Variants in CCL18 observed in about 807,000 individuals in gnomAD.
CCL18 encodes the protein C-C motif chemokine 18.
Under a neutral mutation model 8.0 loss-of-function variants are expected in CCL18, and 7 were observed. The ratio of observed to expected loss-of-function variants is 0.87; its 90% CI spans 0.50 to 1.64. The LOEUF (loss-of-function observed/expected upper bound fraction) is 1.64. Ranked by LOEUF, CCL18 falls within the 40% of genes most tolerant of loss-of-function variation. The pLI is 0.00. For synonymous variants in CCL18, 35 were observed against 41.3 expected (o/e 0.85, Z 0.59); for missense variants, 95 against 107.8 (o/e 0.88, Z 0.52).
In CCL18 at chr17:36,071,292, C is replaced by T. The variant is rs766555; in HGVS notation, c.*251C>T. ...CATCTCATGACATTGTCTTTATCAT[C>T]CTTTCCCCTTTCCCTTCAACTCTTC... On this transcript the variant is annotated 3_prime_UTR_variant, in exon 3 of 3. Coordinates refer to ENST00000616054, the MANE Select transcript of CCL18 (RefSeq NM_002988.4). 9.5e-3 allele frequency: 4,545 copies of T among 480,590 alleles called. 37 individuals are homozygous for T. The highest frequency in any genetic ancestry group is 0.01 in the Non-Finnish European group (2,740 of 271,780). 29.8% of individuals were successfully genotyped at this position (480,590 alleles called of 1,614,324 possible). A position where few individuals can be genotyped will look rare whatever the true frequency, so the allele number is the denominator to read the frequency against.
At chr17:36,069,366 TG>T (rs1240362311) in intron 1 of CCL18, among the ~76,000 whole-genome samples, 1 of 152,218 alleles carries the variant, frequency 6.6e-6, no homozygotes, top group Non-Finnish European at 1.5e-5. Context: ...GCAAATAGCC[TG>T]AATCTTTGTG....
intron 1 of CCL18, among the ~76,000 whole-genome samples, chr17:36,067,485 G>A (rs865985406): frequency 6.6e-6 from 1 of 152,112 alleles, no homozygotes; most frequent in Admixed American, 6.5e-5. Flanking sequence ...TCAGGAGTTC[G>A]AGACCAGCCT....
Position 36,067,474 on chromosome 17 carries a change from G to A in CCL18, c.68-2973G>A, listed in dbSNP as rs1464788612. 2.0e-5 allele frequency among the ~76,000 whole-genome samples: 3 copies of A among 152,130 alleles called. No homozygotes were observed. In the East Asian group the frequency reaches 5.8e-4, roughly 29 times the overall value. ...GGCCGAGGCAAGCAGATCACCTGAG[G>A]TCAGGAGTTCGAGACCAGCCTGGCC... On this transcript the variant is annotated intron_variant, in intron 1 of 2. Coordinates refer to ENST00000616054, the MANE Select transcript of CCL18 (RefSeq NM_002988.4).
At chr17:36,068,408 G>A (rs888214347) in intron 1 of CCL18, among the ~76,000 whole-genome samples, 1 of 151,496 alleles carries the variant, frequency 6.6e-6, no homozygotes, top group Non-Finnish European at 1.5e-5. Context: ...TTTTGCATCA[G>A]AATGCACATA....
At chr17:36,068,397 G>A (rs2066848593) in intron 1 of CCL18, among the ~76,000 whole-genome samples, 2 of 151,100 alleles carry the variant, frequency 1.3e-5, no homozygotes, top group Admixed American at 6.6e-5. Flanking sequence ...TTTTTTTCAG[G>A]TTTTGCATCA....
At position 36,071,331 on chromosome 17, in the gene CCL18, A is replaced by G. The variant is rs2066865736; in HGVS notation, c.*290A>G. 1 of 388,290 alleles carries G rather than the reference A, an allele frequency of 2.6e-6. No homozygotes were observed. The highest frequency in any genetic ancestry group is 4.6e-6 in the Non-Finnish European group (1 of 216,014). The allele number at this position is 388,290 out of a possible 1,614,324, so 24.1% of individuals were successfully genotyped here. ...CTTCAACTCTTCGTACATTCAATGC[A>G]TGGATCAATCAGTGTGATTAGCTTT... On this transcript the variant is annotated 3_prime_UTR_variant, in exon 3 of 3. Coordinates refer to ENST00000616054, the MANE Select transcript of CCL18 (RefSeq NM_002988.4).
intron 1 of CCL18, chr17:36,070,241 T>G: frequency 5.6e-6 from 3 of 537,384 alleles, no homozygotes; most frequent in African/African-American, 1.9e-5. Context: ...AGCCAGAGAA[T>G]GAGAAACACC....
chr17:36,070,811 C>T lies in CCL18; in HGVS notation c.180-140C>T, dbSNP rs568539486. ...CCCCATCTGAGACATTTGGGGAAGG[C>T]CTGTGAACCCCGAAGTTAAGGGGAA... On this transcript the variant is annotated intron_variant, in intron 2 of 2. Transcript: ENST00000616054. The T allele has an allele frequency of 1.7e-4, 121 of 728,200 alleles. 1 individual carries two copies. Among genetic ancestry groups the T allele is most frequent in the Middle Eastern group, 1.2e-3 (3 of 2,608 alleles). 45.1% of individuals were successfully genotyped at this position (728,200 alleles called of 1,614,324 possible). A position where few individuals can be genotyped will look rare whatever the true frequency, so the allele number is the denominator to read the frequency against.
At chr17:36,069,038 A>G (rs998362457) in intron 1 of CCL18, among the ~76,000 whole-genome samples, 1 of 151,870 alleles carries the variant, frequency 6.6e-6, no homozygotes, top group Non-Finnish European at 1.5e-5. Flanking sequence ...AAAAATTTAT[A>G]GAGACAGGGT....
chr17:36,065,118 A>T (rs1302661061), intron 1 of CCL18, among the ~76,000 whole-genome samples: 1 of 152,188 alleles, frequency 6.6e-6, no homozygotes, highest in Non-Finnish European at 1.5e-5. Flanking sequence ...GATGCACTGC[A>T]AATTTTCGGT....
At position 36,064,346 on chromosome 17, in the gene CCL18, A is replaced by G. The variant is rs2066825945; in HGVS notation, c.4A>G (p.Lys2Glu). The change falls in exon 1 of 3, where the codon AAG (lysine) becomes GAG (glutamate). Residue 2 changes from lysine (K) to glutamate (E), a missense_variant. Transcript: ENST00000616054. ...ACTTCTCTGCCTGCCCAGCATCATG[A>G]AGGGCCTTGCAGCTGCCCTCCTTGT... MKGLAAALLVLV... is the reference protein window; with the variant it reads MEGLAAALLVLV... 1 of 1,613,572 alleles carries G rather than the reference A, an allele frequency of 6.2e-7. No homozygotes were observed. Among genetic ancestry groups the G allele is most frequent in the Admixed American group, 1.7e-5 (1 of 59,990 alleles).
intron 1 of CCL18, among the ~76,000 whole-genome samples, chr17:36,069,542 C>G (rs2066854715): frequency 6.6e-6 from 1 of 152,098 alleles, no homozygotes; most frequent in Admixed American, 6.5e-5. Context: ...ATGAGTTTAC[C>G]TATGTAACAA....
In CCL18 at chr17:36,070,531, G is replaced by A. The variant is rs1453058537; in HGVS notation, c.152G>A (p.Ser51Asn). 12 of 1,612,480 alleles carry A rather than the reference G, an allele frequency of 7.4e-6. No homozygotes were observed. In the East Asian group the frequency reaches 2.7e-4, roughly 36 times the overall value. ...QKFIVDYSET[S>N]PQCPKPGVIL... ...TTCATAGTTGACTATTCTGAAACCA[G>A]CCCCCAGTGCCCCAAGCCAGGTGTC... Residue 51 changes from serine (S) to asparagine (N), a missense_variant, in exon 2 of 3, where the codon AGC becomes AAC. Coordinates refer to ENST00000616054, the MANE Select transcript of CCL18 (RefSeq NM_002988.4).
chr17:36,071,163 GC>G lies in CCL18; in HGVS notation c.*125del. 1 of 622,814 alleles carries G rather than the reference GC, an allele frequency of 1.6e-6. No homozygotes were observed. The highest frequency in any genetic ancestry group is 2.7e-5 in the East Asian group (1 of 36,386). The allele number at this position is 622,814 out of a possible 1,614,324, so 38.6% of individuals were successfully genotyped here. A position where few individuals can be genotyped will look rare whatever the true frequency, so the allele number is the denominator to read the frequency against. ...CTCTTCTAAGAGTCCCATCTGCTAT[GC>G]CCAGCCACATTAACTAACTTTAATC... is the stretch of plus-strand genomic sequence containing the variant. On this transcript the variant is annotated 3_prime_UTR_variant, in exon 3 of 3. Transcript: ENST00000616054.
chr17:36,067,161 C>A (rs2066841882), intron 1 of CCL18, among the ~76,000 whole-genome samples: 1 of 152,174 alleles, frequency 6.6e-6, no homozygotes, highest in Non-Finnish European at 1.5e-5. Flanking sequence ...AGGCTTTTAA[C>A]TGCTGTTTGA....
intron 1 of CCL18, 89 bp downstream of exon 1, chr17:36,064,498 G>A: frequency 3.2e-6 from 3 of 936,660 alleles, no homozygotes; most frequent in Admixed American, 2.1e-5. Context: ...ACCCTCGTGT[G>A]AAATTAGGGA....
rs2066866959 is a variant in CCL18 at position 36,071,541 on chromosome 17, G to C, written c.*500G>C. 6.5e-6 allele frequency: 1 copy of C among 154,450 alleles called. No individual in the cohort carries two copies. Among genetic ancestry groups the C allele is most frequent in the Admixed American group, 6.3e-5 (1 of 15,752 alleles). 9.6% of individuals were successfully genotyped at this position (154,450 alleles called of 1,614,324 possible). A position where few individuals can be genotyped will look rare whatever the true frequency, so the allele number is the denominator to read the frequency against. ...ACAGACTGAGAGGAATTCTGGGGGA[G>C]GAGTAGGGAAATATGAAAAGGGGCA... On this transcript the variant is annotated 3_prime_UTR_variant, in exon 3 of 3. Transcript: ENST00000616054.
intron 1 of CCL18, among the ~76,000 whole-genome samples, chr17:36,068,551 T>G (rs1237584732): frequency 1.3e-5 from 2 of 152,248 alleles, no homozygotes; most frequent in Non-Finnish European, 1.5e-5. Context: ...TTAGCTTTAC[T>G]GCTTTTTGGT....
intron 1 of CCL18, among the ~76,000 whole-genome samples, chr17:36,067,830 T>C (rs1487712107): frequency 6.6e-6 from 1 of 152,278 alleles, no homozygotes; most frequent in East Asian, 1.9e-4. Flanking sequence ...CACAGTCATA[T>C]GCTGCATAAC....
Sources: allele counts gnomAD v4.1 joint callset (sites outside exome capture counted in the v4.1 genomes callset), GRCh38; gene constraint gnomAD v4.1.1; transcripts MANE v1.5; gene names NCBI Gene and HGNC (gene_info 2026-07-23, HGNC 2026-07-21).